The following GRID2 variants were observed in gnomAD, a reference collection of about 807,000 sequenced individuals.
GRID2 encodes glutamate receptor ionotropic, delta-2.
In GRID2, 33 loss-of-function variants were observed where a neutral mutation model predicts 114.8. The ratio of observed to expected loss-of-function variants is 0.29; its 90% CI spans 0.22 to 0.38. The LOEUF is 0.38. Ranked by LOEUF, GRID2 falls within the 10% of genes least tolerant of loss-of-function variation. The probability of loss-of-function intolerance (pLI) is 1.00; values close to 1 mark genes in which losing one functional copy is unlikely to be tolerated. For synonymous variants in GRID2, 505 were observed against 449.9 expected, an observed-to-expected ratio of 1.12 and a Z score of -1.55; for missense variants, 1,184 against 1,257.7, an observed-to-expected ratio of 0.94 and a Z score of 0.89.
chr4:93,221,636 A>G (rs749606095), intron 6 of GRID2, among the ~76,000 whole-genome samples: 3 of 152,200 alleles, frequency 2.0e-5, no homozygotes, highest in Non-Finnish European at 4.4e-5. Context: ...CAAAGGCCTT[A>G]CAAATAAAAT....
chr4:92,576,289 C>A (rs1019593945), intron 1 of GRID2, among the ~76,000 whole-genome samples: 1 of 152,108 alleles, frequency 6.6e-6, no homozygotes, highest in Non-Finnish European at 1.5e-5. Flanking sequence ...CTTGTCCGGA[C>A]CATTTGGACT....
At chr4:92,602,131 A>G (rs575022076) in intron 2 of GRID2, among the ~76,000 whole-genome samples, 81 of 151,964 alleles carry the variant, frequency 5.3e-4, no homozygotes, top group African/African-American at 1.9e-3. Flanking sequence ...CAAACAATTG[A>G]AAAGGAGGGA....
At chr4:93,279,041 CAATT>C (rs1254480543) in intron 8 of GRID2, among the ~76,000 whole-genome samples, 1 of 151,730 alleles carries the variant, frequency 6.6e-6, no homozygotes, top group African/African-American at 2.4e-5. Context: ...ATCATTTAAA[CAATT>C]AAACACCTTC....
At chr4:93,240,893 C>A (rs1330587243) in intron 8 of GRID2, among the ~76,000 whole-genome samples, 2 of 151,402 alleles carry the variant, frequency 1.3e-5, no homozygotes, top group Non-Finnish European at 3.0e-5. Context: ...AACCACTAAC[C>A]AGGTCAAGTT....
intron 14 of GRID2, among the ~76,000 whole-genome samples, chr4:93,690,810 T>C (rs956955974): frequency 5.3e-5 from 8 of 151,346 alleles, no homozygotes; most frequent in Non-Finnish European, 8.9e-5. Context: ...ATCATTCCAA[T>C]ATAATGAAAT....
At chr4:92,886,449 A>G (rs1231451762) in intron 2 of GRID2, among the ~76,000 whole-genome samples, 3 of 152,152 alleles carry the variant, frequency 2.0e-5, no homozygotes, top group Non-Finnish European at 4.4e-5. Flanking sequence ...TAAAAAACAC[A>G]ATAGCCTTGA....
intron 1 of GRID2, among the ~76,000 whole-genome samples, chr4:92,420,105 TC>T (rs1731826400): frequency 6.6e-6 from 1 of 152,114 alleles, no homozygotes; most frequent in African/African-American, 2.4e-5. Flanking sequence ...AAAATTGGTT[TC>T]ACAAAATGTA....
intron 2 of GRID2, among the ~76,000 whole-genome samples, chr4:92,678,865 A>G (rs1187239932): frequency 2.0e-5 from 3 of 151,990 alleles, no homozygotes; most frequent in Non-Finnish European, 4.4e-5. Flanking sequence ...CATATTTTCA[A>G]AAGTGAAACT....
At chr4:92,323,865 T>C (rs1344747390) in intron 1 of GRID2, among the ~76,000 whole-genome samples, 1 of 152,026 alleles carries the variant, frequency 6.6e-6, no homozygotes, top group Non-Finnish European at 1.5e-5. Context: ...GTGGCTCAAA[T>C]GCTTCACAGG....
At chr4:93,543,714 G>C (rs1270115403) in intron 13 of GRID2, among the ~76,000 whole-genome samples, 1 of 92,960 alleles carries the variant, frequency 1.1e-5, no homozygotes, top group Non-Finnish European at 2.9e-5. Context: ...GAGAGATAGA[G>C]AGAGAGAGAG....
intron 4 of GRID2, among the ~76,000 whole-genome samples, chr4:93,174,001 A>C (rs1739103524): frequency 6.6e-6 from 1 of 152,176 alleles, no homozygotes; most frequent in Admixed American, 6.5e-5. Flanking sequence ...CATGAGAAAT[A>C]ATATAGAGTA....
chr4:93,524,375 G>A (rs1316483004), intron 13 of GRID2, among the ~76,000 whole-genome samples: 1 of 152,056 alleles, frequency 6.6e-6, no homozygotes, highest in Non-Finnish European at 1.5e-5. Flanking sequence ...CTGCTCTCTA[G>A]AAATCAGAGT....
intron 2 of GRID2, among the ~76,000 whole-genome samples, chr4:92,908,487 G>C (rs1293460741): frequency 6.6e-6 from 1 of 151,218 alleles, no homozygotes; most frequent in Non-Finnish European, 1.5e-5. Context: ...TCGTGAACCT[G>C]GGAGGCGGAG....
intron 1 of GRID2, among the ~76,000 whole-genome samples, chr4:92,340,700 A>G (rs1727437159): frequency 6.6e-6 from 1 of 152,188 alleles, no homozygotes; most frequent in African/African-American, 2.4e-5. Context: ...AGCACTCTGC[A>G]TTTACTATAT....
At chr4:93,370,410 C>A (rs538962107) in intron 8 of GRID2, among the ~76,000 whole-genome samples, 10 of 150,672 alleles carry the variant, frequency 6.6e-5, no homozygotes, top group African/African-American at 2.5e-4. Flanking sequence ...AACACACACA[C>A]ACAAACACAC....
At chr4:92,790,727 A>C (rs1739544194) in intron 2 of GRID2, among the ~76,000 whole-genome samples, 1 of 149,380 alleles carries the variant, frequency 6.7e-6, no homozygotes, top group South Asian at 2.1e-4. Context: ...TTTTTAAGAA[A>C]AAAAAAAAAA....
intron 2 of GRID2, among the ~76,000 whole-genome samples, chr4:92,812,370 T>C (rs535451878): frequency 6.6e-6 from 1 of 152,186 alleles, no homozygotes; most frequent in Non-Finnish European, 1.5e-5. Context: ...ACAGATTTAA[T>C]CAAAACATTC....
At chr4:92,363,631 T>A (rs1728717379) in intron 1 of GRID2, among the ~76,000 whole-genome samples, 1 of 152,020 alleles carries the variant, frequency 6.6e-6, no homozygotes, top group Non-Finnish European at 1.5e-5. Flanking sequence ...ATGCTATTTT[T>A]AAAAATTATT....
rs74983918 is a variant in GRID2, at chr4:93,767,353, A to G, written c.2361-1857A>G. 7.6e-3 allele frequency among the ~76,000 whole-genome samples: 1,159 copies of G among 152,292 alleles called. 12 individuals carry two copies. The highest frequency in any genetic ancestry group is 0.026 in the African/African-American group (1,089 of 41,552). On this transcript the variant is annotated intron_variant, in intron 14 of 15. Coordinates refer to ENST00000282020, the MANE Select transcript of GRID2 (RefSeq NM_001510.4). Reference sequence around the variant, plus strand: ...CACTTTTGGAAATTCTGGAAATGCAAATGGCTTTTTCTGGAATGGAAGCTG... The same window carrying G: ...CACTTTTGGAAATTCTGGAAATGCAGATGGCTTTTTCTGGAATGGAAGCTG...
Sources: gnomAD v4.1 joint callset for allele counts (sites outside exome capture counted in the v4.1 genomes callset) on GRCh38, gnomAD v4.1.1 for gene constraint, MANE v1.5 for transcripts, NCBI Gene and HGNC (gene_info 2026-07-23, HGNC 2026-07-21) for gene names.